The following PRKRIP1 variants were observed in gnomAD, a reference collection of about 807,000 sequenced individuals.
The protein encoded by PRKRIP1 is PRKR interacting protein 1.
PRKRIP1 carries 29 observed loss-of-function variants against 29.3 expected under a neutral mutation model. The observed-to-expected ratio is 0.99, with a 90% CI of 0.74 to 1.35. The LOEUF (loss-of-function observed/expected upper bound fraction) is 1.35, where lower values mean the gene tolerates loss of function less well. PRKRIP1 is among the 40% of genes most tolerant of loss of function. The pLI, the probability that PRKRIP1 is intolerant of heterozygous loss-of-function variation, is 0.00. For synonymous variants in PRKRIP1, 90 were observed against 85.1 expected (o/e 1.06, Z -0.32); for missense variants, 247 against 236.8 (o/e 1.04, Z -0.28).
At position 102,417,758 on chromosome 7, in the gene PRKRIP1, C is replaced by A. The variant is rs532867521; in HGVS notation, c.458-7256C>A. Among the ~76,000 whole-genome samples the A allele has an allele frequency of 6.6e-5, 10 of 151,518 alleles. No homozygotes were observed. The East Asian group carries it at 2.0e-3, about 30-fold the overall frequency. ...TCAGCTTCCTGAGTAGCTGGGCCCACAGGCATGCACCACCATGCCCGGCTC... is the reference window on the plus strand; with the variant it reads ...TCAGCTTCCTGAGTAGCTGGGCCCAAAGGCATGCACCACCATGCCCGGCTC... On this transcript the variant is annotated intron_variant, in intron 5 of 5. Coordinates refer to ENST00000397912, the MANE Select transcript of PRKRIP1 (RefSeq NM_024653.4).
At chr7:102,400,694 G>C (rs1796043669) in intron 3 of PRKRIP1, among the ~76,000 whole-genome samples, 1 of 152,132 alleles carries the variant, frequency 6.6e-6, no homozygotes, top group African/African-American at 2.4e-5. Flanking sequence ...TGAGAGCAGT[G>C]GGGTGATCTT....
chr7:102,421,137 A>G (rs782358537), intron 5 of PRKRIP1, among the ~76,000 whole-genome samples: 2 of 152,244 alleles, frequency 1.3e-5, no homozygotes, highest in Admixed American at 1.3e-4. Flanking sequence ...AAGAGGAAGC[A>G]TTTGTGTTTT....
At chr7:102,398,063 G>A (rs184600294) in intron 2 of PRKRIP1, among the ~76,000 whole-genome samples, 240 of 151,886 alleles carry the variant, frequency 1.6e-3, no homozygotes, top group African/African-American at 5.5e-3. Context: ...AAAAAAAAAA[G>A]GTAGCTATAA....
intron 1 of PRKRIP1, among the ~76,000 whole-genome samples, chr7:102,396,885 TAGAG>T (rs1402117624): frequency 1.3e-5 from 2 of 152,138 alleles, no homozygotes; most frequent in African/African-American, 4.8e-5. Flanking sequence ...CACTGATCGT[TAGAG>T]AGACAGTGGC....
chr7:102,399,382 T>A (rs1259741368), intron 2 of PRKRIP1, among the ~76,000 whole-genome samples, 166 bp from the exon 3 acceptor site: 1 of 152,132 alleles, frequency 6.6e-6, no homozygotes, highest in Non-Finnish European at 1.5e-5. Flanking sequence ...ATTCACGACA[T>A]CTACAATATG....
intron 2 of PRKRIP1, among the ~76,000 whole-genome samples, chr7:102,398,354 G>A (rs1044760058): frequency 6.6e-6 from 1 of 151,730 alleles, no homozygotes; most frequent in Non-Finnish European, 1.5e-5. Flanking sequence ...ACACCATCTC[G>A]GCTCACTGCA....
At chr7:102,420,381 A>G (rs1796664125) in intron 5 of PRKRIP1, among the ~76,000 whole-genome samples, 1 of 152,152 alleles carries the variant, frequency 6.6e-6, no homozygotes, top group Non-Finnish European at 1.5e-5. Context: ...CCTTCTCAGC[A>G]CTTGGTATTG....
At chr7:102,404,503 G>C in intron 3 of PRKRIP1, 95 bp from the exon 4 acceptor site, 1 of 949,144 alleles carries the variant, frequency 1.1e-6, no homozygotes, top group Non-Finnish European at 1.6e-6. Flanking sequence ...ACCCCCAGTG[G>C]TGTGACTTCT....
At chr7:102,396,675 GGGAGGA>G (rs1159979481) in intron 1 of PRKRIP1, 138 bp downstream of exon 1, 12 of 879,296 alleles carry the variant, frequency 1.4e-5, no homozygotes, top group Non-Finnish European at 2.0e-5. Context: ...GCAGTCTTTG[GGGAGGA>G]GGAGGAGAAG....
At position 102,403,402 on chromosome 7, in the gene PRKRIP1, C is replaced by T. The variant is rs1368279219; in HGVS notation, c.307-1196C>T. 4.6e-5 allele frequency among the ~76,000 whole-genome samples: 7 copies of T among 152,284 alleles called. No individual in the cohort carries two copies. In the South Asian group the frequency reaches 1.0e-3, roughly 23 times the overall value. On this transcript the variant is annotated intron_variant, in intron 3 of 5. Transcript: ENST00000397912. ...TTGAAGGCACCTCTTCCTCCTTTGC[C>T]GGCTCCTTATTTTTTGCTCCATTGA...
intron 3 of PRKRIP1, 92 bp downstream of exon 3, chr7:102,399,740 G>A: frequency 9.8e-7 from 1 of 1,020,214 alleles, no homozygotes; most frequent in Non-Finnish European, 1.5e-6. Flanking sequence ...GCTGGGCGTG[G>A]TGGCTCAGGC....
Position 102,426,070 on chromosome 7 carries a change from CTG to C in PRKRIP1, c.*960_*961del, listed in dbSNP as rs1796824417. The stretch of plus-strand genomic sequence containing the variant: ...TGTCCTCATGTGGCGCAGCCTCAAA[CTG>C]GCATCCAGGCACTGGGCCCATGCAG... On this transcript the variant is annotated 3_prime_UTR_variant, in exon 6 of 6. Transcript: ENST00000397912. 6.5e-6 allele frequency: 1 copy of C among 152,946 alleles called. No homozygotes were observed. Among genetic ancestry groups the C allele is most frequent in the South Asian group, 2.1e-4 (1 of 4,874 alleles). 9.5% of individuals were successfully genotyped at this position (152,946 alleles called of 1,614,324 possible). A position where few individuals can be genotyped will look rare whatever the true frequency, so the allele number is the denominator to read the frequency against.
chr7:102,404,762 T>A, intron 4 of PRKRIP1, 79 bp downstream of exon 4: 1 of 1,049,112 alleles, frequency 9.5e-7, no homozygotes, highest in Non-Finnish European at 1.5e-6. Context: ...CAGTCAGTAG[T>A]AGTTCCTCTG....
intron 5 of PRKRIP1, among the ~76,000 whole-genome samples, chr7:102,414,237 G>GAA (rs144655156): frequency 3.9e-4 from 59 of 150,042 alleles, no homozygotes; most frequent in African/African-American, 4.9e-4. Context: ...AAAAAAGAAA[G>GAA]AAAAAAAAAG....
intron 4 of PRKRIP1, among the ~76,000 whole-genome samples, chr7:102,405,550 G>A (rs782362213): frequency 8.5e-5 from 13 of 152,078 alleles, no homozygotes; most frequent in East Asian, 5.8e-4. Flanking sequence ...AGTTATGATC[G>A]CACCACTACA....
rs1325156118 is a variant in PRKRIP1, at chr7:102,425,335, G to A, written c.*224G>A. 2.5e-6 allele frequency: 2 copies of A among 815,202 alleles called. No individual in the cohort carries two copies. The highest frequency in any genetic ancestry group is 3.5e-5 in the African/African-American group (2 of 56,950). 50.5% of individuals were successfully genotyped at this position (815,202 alleles called of 1,614,324 possible). ...GCACTGCCTTGCAGACACCATCCGT[G>A]CTCCTGGTAAAGGGGGACAGAGAGC... On this transcript the variant is annotated 3_prime_UTR_variant, in exon 6 of 6. Coordinates refer to ENST00000397912, the MANE Select transcript of PRKRIP1 (RefSeq NM_024653.4).
chr7:102,402,625 A>G (rs111703606), intron 3 of PRKRIP1, among the ~76,000 whole-genome samples: 1 of 152,284 alleles, frequency 6.6e-6, no homozygotes, highest in Non-Finnish European at 1.5e-5. Flanking sequence ...ATACAGAAAA[A>G]TGTTTCACAA....
intron 3 of PRKRIP1, among the ~76,000 whole-genome samples, chr7:102,403,127 A>T (rs1380076729): frequency 6.6e-6 from 1 of 152,146 alleles, no homozygotes; most frequent in Non-Finnish European, 1.5e-5. Context: ...TGCCCACCTC[A>T]GCTTCCCAGT....
intron 3 of PRKRIP1, among the ~76,000 whole-genome samples, chr7:102,403,566 C>T (rs984442301): frequency 1.3e-5 from 2 of 152,170 alleles, no homozygotes; most frequent in African/African-American, 2.4e-5. Context: ...GCGCAATTTC[C>T]GGTCTCTGCA....
Sources: gnomAD v4.1 joint callset for allele counts (sites outside exome capture counted in the v4.1 genomes callset) on GRCh38, gnomAD v4.1.1 for gene constraint, MANE v1.5 for transcripts, NCBI Gene and HGNC (gene_info 2026-07-23, HGNC 2026-07-21) for gene names.